Variants in PPP1R9A observed in about 807,000 individuals in gnomAD.
PPP1R9A encodes the protein neurabin-1.
PPP1R9A carries 59 observed loss-of-function variants against 141.9 expected under a neutral mutation model. The ratio of observed to expected loss-of-function variants is 0.42; its 90% CI spans 0.34 to 0.52. PPP1R9A has a LOEUF of 0.52. PPP1R9A is among the 20% of genes least tolerant of loss of function. PPP1R9A has a pLI of 0.10. For synonymous variants in PPP1R9A, 500 were observed against 569.7 expected, an observed-to-expected ratio of 0.88 and a Z score of 1.74; for missense variants, 1,444 against 1,611.9, an observed-to-expected ratio of 0.90 and a Z score of 1.78.
intron 2 of PPP1R9A, among the ~76,000 whole-genome samples, chr7:94,947,127 T>G (rs748762987): frequency 2.6e-5 from 4 of 152,278 alleles, no homozygotes; most frequent in Non-Finnish European, 5.9e-5. Flanking sequence ...TGTTACTTTA[T>G]AGAAAAGTCG....
At chr7:94,971,640 A>G (rs1798871901) in intron 2 of PPP1R9A, among the ~76,000 whole-genome samples, 1 of 152,184 alleles carries the variant, frequency 6.6e-6, no homozygotes. Flanking sequence ...AGTCTGTGGT[A>G]CTCACAGTAG....
intron 2 of PPP1R9A, among the ~76,000 whole-genome samples, chr7:95,035,132 A>G (rs1230267007): frequency 6.6e-6 from 1 of 152,158 alleles, no homozygotes; most frequent in Non-Finnish European, 1.5e-5. Context: ...AGACTAATTA[A>G]TATTCAGTTT....
intron 2 of PPP1R9A, among the ~76,000 whole-genome samples, chr7:94,957,524 T>G (rs1380163361): frequency 2.0e-5 from 3 of 152,062 alleles, no homozygotes; most frequent in Non-Finnish European, 1.5e-5. Context: ...TAAGTGTGAC[T>G]AGATTGGCAG....
intron 2 of PPP1R9A, among the ~76,000 whole-genome samples, chr7:94,993,993 T>A (rs1801838847): frequency 6.6e-6 from 1 of 152,194 alleles, no homozygotes; most frequent in Non-Finnish European, 1.5e-5. Context: ...TTACAAGGTT[T>A]ATGGCTGACA....
chr7:95,075,662 C>A (rs559441009), intron 2 of PPP1R9A, among the ~76,000 whole-genome samples: 1 of 151,964 alleles, frequency 6.6e-6, no homozygotes, highest in Non-Finnish European at 1.5e-5. Context: ...GGTGAAACCC[C>A]GTCTCTACTA....
At chr7:95,093,820 T>C (rs1262905762) in intron 2 of PPP1R9A, among the ~76,000 whole-genome samples, 1 of 152,216 alleles carries the variant, frequency 6.6e-6, no homozygotes, top group Non-Finnish European at 1.5e-5. Flanking sequence ...GTTTTGAAGT[T>C]ATAAATTTTA....
chr7:95,162,391 G>A (rs2152714764), intron 5 of PPP1R9A, among the ~76,000 whole-genome samples: 1 of 152,202 alleles, frequency 6.6e-6, no homozygotes, highest in African/African-American at 2.4e-5. Context: ...TTTTTTAAAT[G>A]TATACATTCT....
chr7:95,063,483 T>G (rs1039821927), intron 2 of PPP1R9A, among the ~76,000 whole-genome samples: 1 of 152,170 alleles, frequency 6.6e-6, no homozygotes, highest in African/African-American at 2.4e-5. Context: ...GAGAATCACT[T>G]GAGCCCAGGC....
chr7:94,962,419 C>G (rs1797735006), intron 2 of PPP1R9A, among the ~76,000 whole-genome samples: 2 of 151,720 alleles, frequency 1.3e-5, no homozygotes, highest in South Asian at 4.1e-4. Flanking sequence ...AAGAAAAAGC[C>G]ACTCAGAATT....
At chr7:95,259,187 A>G (rs541046668) in intron 12 of PPP1R9A, among the ~76,000 whole-genome samples, 4 of 152,170 alleles carry the variant, frequency 2.6e-5, no homozygotes, top group Non-Finnish European at 5.9e-5. Flanking sequence ...TTATGGAATA[A>G]CTAGAAGAAA....
chr7:94,965,787 G>A (rs1457618118), intron 2 of PPP1R9A, among the ~76,000 whole-genome samples: 1 of 151,766 alleles, frequency 6.6e-6, no homozygotes, highest in Admixed American at 6.5e-5. Flanking sequence ...GCTTAGGATT[G>A]TCTTGGCTAT....
chr7:95,062,906 T>C (rs1354837002), intron 2 of PPP1R9A, among the ~76,000 whole-genome samples: 2 of 152,158 alleles, frequency 1.3e-5, no homozygotes, highest in Non-Finnish European at 2.9e-5. Flanking sequence ...GGGTGTTAGA[T>C]GGCAGATGGG....
intron 2 of PPP1R9A, among the ~76,000 whole-genome samples, chr7:95,020,427 A>G (rs950831137): frequency 6.6e-5 from 10 of 152,190 alleles, no homozygotes; most frequent in Admixed American, 3.3e-4. Flanking sequence ...GTTCAACTTT[A>G]TCATAGAAAA....
intron 2 of PPP1R9A, among the ~76,000 whole-genome samples, chr7:95,095,741 G>A (rs1817929782): frequency 6.6e-6 from 1 of 152,188 alleles, no homozygotes. Context: ...CAGCTGCCCA[G>A]AATGCAGTAA....
At chr7:95,116,632 G>T (rs1821571025) in intron 3 of PPP1R9A, among the ~76,000 whole-genome samples, 1 of 152,136 alleles carries the variant, frequency 6.6e-6, no homozygotes, top group African/African-American at 2.4e-5. Flanking sequence ...AAATAGAACT[G>T]CCAACAAAGT....
chr7:95,061,635 T>TTGAGG (rs1032281360), intron 2 of PPP1R9A, among the ~76,000 whole-genome samples: 1 of 151,524 alleles, frequency 6.6e-6, no homozygotes, highest in Non-Finnish European at 1.5e-5. Context: ...ACTTGGGAGG[T>TTGAGG]TGAGGTGGGA....
intron 2 of PPP1R9A, among the ~76,000 whole-genome samples, chr7:94,990,293 A>C (rs1801346776): frequency 6.6e-6 from 1 of 152,148 alleles, no homozygotes; most frequent in East Asian, 1.9e-4. Flanking sequence ...CATGTGCAAA[A>C]TAAGGATTAT....
intron 4 of PPP1R9A, among the ~76,000 whole-genome samples, chr7:95,149,294 T>C (rs1026548180): frequency 1.3e-5 from 2 of 152,114 alleles, no homozygotes; most frequent in African/African-American, 4.8e-5. Context: ...ACATTATATT[T>C]AATAGTGAGA....
At chr7:95,091,176 A>C (rs1262445542) in intron 2 of PPP1R9A, among the ~76,000 whole-genome samples, 4 of 151,656 alleles carry the variant, frequency 2.6e-5, no homozygotes, top group African/African-American at 9.7e-5. Context: ...GTGTGCAGAA[A>C]TATTTCTGTA....
Sources: allele counts gnomAD v4.1 joint callset (sites outside exome capture counted in the v4.1 genomes callset), GRCh38; gene constraint gnomAD v4.1.1; transcripts MANE v1.5; gene names NCBI Gene and HGNC (gene_info 2026-07-23, HGNC 2026-07-21).